Variants in KIAA1549 observed in about 807,000 individuals in gnomAD.
KIAA1549 encodes UPF0606 protein KIAA1549.
KIAA1549 carries 70 observed loss-of-function variants against 156.4 expected under a neutral mutation model. The ratio of observed to expected loss-of-function variants is 0.45; its 90% CI spans 0.37 to 0.55. The LOEUF (loss-of-function observed/expected upper bound fraction) is 0.55, where lower values mean the gene tolerates loss of function less well. Ranked by LOEUF, KIAA1549 falls within the 20% of genes least tolerant of loss-of-function variation. The pLI, the probability that KIAA1549 is intolerant of heterozygous loss-of-function variation, is 0.00. For missense variants in KIAA1549, 2,428 were observed against 2,540.9 expected, an observed-to-expected ratio of 0.96 and a Z score of 0.96; for synonymous variants, 1,103 against 1,066.4, an observed-to-expected ratio of 1.03 and a Z score of -0.67.
At chr7:138,936,553 C>G (rs1813015542) in intron 1 of KIAA1549, among the ~76,000 whole-genome samples, 1 of 152,190 alleles carries the variant, frequency 6.6e-6, no homozygotes, top group Non-Finnish European at 1.5e-5. Flanking sequence ...TTCGCTCACT[C>G]TGGGTTTGGT....
At chr7:138,839,051 C>G (rs972513565) in intron 19 of KIAA1549, among the ~76,000 whole-genome samples, 1 of 152,128 alleles carries the variant, frequency 6.6e-6, no homozygotes, top group Non-Finnish European at 1.5e-5. Context: ...CCTCATGAAG[C>G]TAAGCTGGGC....
At chr7:138,845,017 T>C (rs1211258703) in intron 17 of KIAA1549, among the ~76,000 whole-genome samples, 1 of 152,120 alleles carries the variant, frequency 6.6e-6, no homozygotes, top group African/African-American at 2.4e-5. Context: ...AAACCAGTGT[T>C]CTAAAGCAGC....
chr7:138,958,481 G>A (rs576941407), intron 1 of KIAA1549, among the ~76,000 whole-genome samples: 1 of 152,286 alleles, frequency 6.6e-6, no homozygotes, highest in African/African-American at 2.4e-5. Context: ...AGGCCCTGAG[G>A]CATCTTGTCA....
Position 138,881,453 on chromosome 7 carries a change from C to T in KIAA1549, c.4164G>A (p.Ser1388=), listed in dbSNP as rs183617317. ...PGPLKDHTTP[S]ENGDVPSPKS... ...TGGGGCTTGGCACGTCTCCATTTTC[C>T]GAGGGCGTGGTGTGGTCCTTCAGAG... The change falls in exon 11 of 20, where the codon TCG becomes TCA. Residue 1388 remains serine, a synonymous_variant. Transcript: ENST00000422774. The T allele has an allele frequency of 1.4e-4, 231 of 1,613,992 alleles. No individual in the cohort carries two copies. The African/African-American group carries it at 2.6e-3, about 18-fold the overall frequency.
At chr7:138,976,957 GGCCACACTTTTGAAACATT>G (rs531629471) in intron 1 of KIAA1549, among the ~76,000 whole-genome samples, 2 of 152,168 alleles carry the variant, frequency 1.3e-5, no homozygotes, top group African/African-American at 4.8e-5. Context: ...GAGGCCTAGG[GGCCACACTTTTGAAACATT>G]TAAGTATTTG....
rs193192654 is a variant in KIAA1549, at chr7:138,862,920, A to C, written c.4930-1464T>G. Among the ~76,000 whole-genome samples the C allele has an allele frequency of 3.6e-3, 553 of 152,338 alleles. 6 individuals are homozygous for C. Among genetic ancestry groups the C allele is most frequent in the Non-Finnish European group, 3.3e-3 (227 of 68,030 alleles). ...ACTCCAGCCTGGGTGACAAGAGTGA[A>C]ACTCTATCTCAAAAGAAAAAGAAAA... On this transcript the variant is annotated intron_variant, in intron 15 of 19. Coordinates refer to ENST00000422774, the MANE Select transcript of KIAA1549 (RefSeq NM_001164665.2).
rs2130442320 is a variant in KIAA1549 at position 138,898,966 on chromosome 7, A to G, written c.3836T>C (p.Val1279Ala). 1 of 1,613,788 alleles carries G rather than the reference A, an allele frequency of 6.2e-7. No individual in the cohort carries two copies. Among genetic ancestry groups the G allele is most frequent in the South Asian group, 1.1e-5 (1 of 91,072 alleles). Residue 1279 changes from valine to alanine, a missense_variant, in exon 9 of 20, where the codon GTC (valine) becomes GCC (alanine). By Grantham distance (64) the Val-to-Ala change is moderately conservative (BLOSUM62 0). This residue lies in a region of KIAA1549 where 762 missense variants were observed against 901.6 expected (regional missense o/e 0.85). Transcript: ENST00000422774. ...AIILGYRIQG[V>A]IAQPVDRVKR... ...CCTCAGGCACTTACGCTGGGCAATG[A>G]CACCTTGAATTCGGTAACCCAAGAT... is the stretch of plus-strand genomic sequence containing the variant.
At chr7:138,902,780 G>A (rs988482280) in intron 8 of KIAA1549, among the ~76,000 whole-genome samples, 1 of 152,010 alleles carries the variant, frequency 6.6e-6, no homozygotes, top group African/African-American at 2.4e-5. Context: ...CTGCAGTCCA[G>A]CCTGGGCGAC....
intron 1 of KIAA1549, among the ~76,000 whole-genome samples, chr7:138,947,014 A>G (rs1813357037): frequency 6.6e-6 from 1 of 152,120 alleles, no homozygotes; most frequent in Non-Finnish European, 1.5e-5. Context: ...GTGCAGAAAA[A>G]CCACAGTAGA....
In KIAA1549 at chr7:138,837,880, T is replaced by G. The variant is rs753945862; in HGVS notation, c.*26A>C. On this transcript the variant is annotated 3_prime_UTR_variant, in exon 20 of 20. Transcript: ENST00000422774. ...TCTTGCTTCCACAGGAAGCGGATACTTGGCAAATCTGCGAGGCGAGGCCGA... is the reference window on the plus strand; with the variant it reads ...TCTTGCTTCCACAGGAAGCGGATACGTGGCAAATCTGCGAGGCGAGGCCGA... 4 of 1,608,166 alleles carry G rather than the reference T, an allele frequency of 2.5e-6. No homozygotes were observed. The highest frequency in any genetic ancestry group is 1.7e-6 in the Non-Finnish European group (2 of 1,177,288).
In KIAA1549 at chr7:138,850,406, T is replaced by C. The variant is rs889899135; in HGVS notation, c.5294+1817A>G. Among the ~76,000 whole-genome samples, 4 of 152,226 alleles carry C rather than the reference T, an allele frequency of 2.6e-5. No homozygotes were observed. The South Asian group carries it at 8.3e-4, about 32-fold the overall frequency. The stretch of plus-strand genomic sequence containing the variant: ...AGCCATTCTGACTGGTATGAGATGG[T>C]ATCTCATTGTAATTTTGATTTGCAT... On this transcript the variant is annotated intron_variant, in intron 17 of 19. Coordinates refer to ENST00000422774, the MANE Select transcript of KIAA1549 (RefSeq NM_001164665.2).
intron 1 of KIAA1549, among the ~76,000 whole-genome samples, chr7:138,932,597 C>T (rs1812902587): frequency 6.6e-6 from 1 of 152,154 alleles, no homozygotes; most frequent in South Asian, 2.1e-4. Context: ...GTGTGCAGAA[C>T]AGGCTAATGG....
At chr7:138,899,512 C>T (rs1811782299) in intron 8 of KIAA1549, among the ~76,000 whole-genome samples, 1 of 152,180 alleles carries the variant, frequency 6.6e-6, no homozygotes, top group Non-Finnish European at 1.5e-5. Flanking sequence ...AGGTACATCC[C>T]TGGTTCTCTG....
chr7:138,837,765 C>T lies in KIAA1549; in HGVS notation c.*141G>A, dbSNP rs931164283. 5 of 901,830 alleles carry T rather than the reference C, an allele frequency of 5.5e-6. No individual in the cohort carries two copies. In the African/African-American group the frequency reaches 8.4e-5, roughly 15 times the overall value. The allele number at this position is 901,830 out of a possible 1,614,324, so 55.9% of individuals were successfully genotyped here. ...GCTGTCACACGACGTATGGCATCTTCTAAATTGCAACTTGCTCCCTCCCTT... is the reference window on the plus strand; with the variant it reads ...GCTGTCACACGACGTATGGCATCTTTTAAATTGCAACTTGCTCCCTCCCTT... On this transcript the variant is annotated 3_prime_UTR_variant, in exon 20 of 20. Transcript: ENST00000422774.
At chr7:138,912,049 T>C (rs1812184808) in intron 3 of KIAA1549, among the ~76,000 whole-genome samples, 1 of 152,200 alleles carries the variant, frequency 6.6e-6, no homozygotes, top group Admixed American at 6.5e-5. Context: ...ATCCAAGTCC[T>C]TTCATGTGAA....
At chr7:138,864,876 T>C (rs1158598417) in intron 15 of KIAA1549, among the ~76,000 whole-genome samples, 1 of 152,226 alleles carries the variant, frequency 6.6e-6, no homozygotes, top group East Asian at 1.9e-4. Context: ...CAACTCTGCC[T>C]TGCAGCAAAA....
chr7:138,869,560 C>A lies in KIAA1549; in HGVS notation c.4753G>T (p.Val1585Leu). The A allele has an allele frequency of 6.3e-7, 1 of 1,578,158 alleles. No individual in the cohort carries two copies. The highest frequency in any genetic ancestry group is 8.6e-7 in the Non-Finnish European group (1 of 1,163,234). Residue 1585 changes from valine (V) to leucine (L), a missense_variant, in exon 14 of 20, where the codon GTG (valine) becomes TTG (leucine). Val to Leu is a conservative substitution (Grantham distance 32, BLOSUM62 1). Coordinates refer to ENST00000422774, the MANE Select transcript of KIAA1549 (RefSeq NM_001164665.2). ...ILDPTASVPSVFIEPRKSSRI... is the reference protein window; with the variant it reads ...ILDPTASVPSLFIEPRKSSRI... ...CACCTCTTCCTGGGCTCTATGAACA[C>A]GGAGGGCACGCTGGCCGTGGGGTCC...
intron 17 of KIAA1549, among the ~76,000 whole-genome samples, chr7:138,850,852 G>A (rs1241979382): frequency 6.6e-6 from 1 of 151,926 alleles, no homozygotes; most frequent in African/African-American, 2.4e-5. Flanking sequence ...TTTTATTTTT[G>A]GTTTCTAACT....
chr7:138,925,120 G>A lies in KIAA1549; in HGVS notation c.188-5682C>T, dbSNP rs1046521844. The stretch of plus-strand genomic sequence containing the variant: ...TTCTGGCCATGCTGGACGTCACAGC[G>A]GGAAACTGCCCTGCGCTCCCACCAC... On this transcript the variant is annotated intron_variant, in intron 1 of 19. Coordinates refer to ENST00000422774, the MANE Select transcript of KIAA1549 (RefSeq NM_001164665.2). Among the ~76,000 whole-genome samples, 9 of 152,176 alleles carry A rather than the reference G, an allele frequency of 5.9e-5. 1 individual carries two copies. The highest frequency in any genetic ancestry group is 4.1e-4 in the South Asian group (2 of 4,826).
Sources: gnomAD v4.1 joint callset for allele counts (sites outside exome capture counted in the v4.1 genomes callset) on GRCh38, gnomAD v4.1.1 for gene constraint, gnomAD v4.1.1 regional missense constraint, MANE v1.5 for transcripts, NCBI Gene and HGNC (gene_info 2026-07-23, HGNC 2026-07-21) for gene names.